LDLRAD4: variants seen among roughly 807,000 people sequenced by gnomAD.
LDLRAD4 encodes the protein low-density lipoprotein receptor class A domain-containing protein 4.
In LDLRAD4, 5 loss-of-function variants were observed where a neutral mutation model predicts 17.0. That is an observed-to-expected ratio of 0.29 (90% CI 0.15 to 0.62). LDLRAD4 has a LOEUF of 0.62. Among genes scored for constraint, LDLRAD4 ranks in the 20% least tolerant of loss-of-function variants. The pLI, the probability that LDLRAD4 is intolerant of heterozygous loss-of-function variation, is 0.84. For missense variants in LDLRAD4, 340 were observed against 424.7 expected (o/e 0.80, Z 1.75); for synonymous variants, 168 against 171.8 (o/e 0.98, Z 0.17).
At chr18:13,395,237 G>C (rs1414829482) in intron 2 of LDLRAD4, among the ~76,000 whole-genome samples, 1 of 151,612 alleles carries the variant, frequency 6.6e-6, no homozygotes, top group African/African-American at 2.4e-5. Flanking sequence ...CTGGCTTATA[G>C]TGGTGCTCGA....
chr18:13,238,253 C>T lies in LDLRAD4; in HGVS notation c.-467+19265C>T, dbSNP rs571435531. ...GTATTGGAACTGGAGACAGATTGCT[C>T]GATGACTGGTCGTGGTTTATTGTAA... On this transcript the variant is annotated intron_variant, in intron 1 of 5. Transcript: ENST00000399848. Among the ~76,000 whole-genome samples the T allele has an allele frequency of 1.8e-4, 27 of 152,320 alleles. No individual in the cohort carries two copies. In the South Asian group the frequency reaches 3.7e-3, roughly 21 times the overall value.
intron 1 of LDLRAD4, among the ~76,000 whole-genome samples, chr18:13,371,778 A>G (rs2084535435): frequency 6.6e-6 from 1 of 152,118 alleles, no homozygotes. Context: ...AGAGAGAGAG[A>G]GAGAAAGAGA....
chr18:13,650,412 G>C (rs2043194531), exon 6 of LDLRAD4: 3 of 398,800 alleles, frequency 7.5e-6, no homozygotes, highest in Non-Finnish European at 1.3e-5. Context: ...TAGAGCTATA[G>C]AGATTATATA....
chr18:13,638,824 G>A (rs888463016), intron 4 of LDLRAD4, among the ~76,000 whole-genome samples: 2 of 152,186 alleles, frequency 1.3e-5, no homozygotes, highest in African/African-American at 4.8e-5. Context: ...ACTGTGCAGA[G>A]CCCCTGTCTC....
intron 4 of LDLRAD4, among the ~76,000 whole-genome samples, chr18:13,624,078 T>TCCTACAGTGCAC (rs1196329493): frequency 1.7e-4 from 26 of 152,178 alleles, no homozygotes; most frequent in Non-Finnish European, 2.6e-4. Flanking sequence ...GTACAGTGCG[T>TCCTACAGTGCAC]CCTACAGTGC....
At chr18:13,292,313 G>T (rs1260335797) in intron 1 of LDLRAD4, among the ~76,000 whole-genome samples, 1 of 152,192 alleles carries the variant, frequency 6.6e-6, no homozygotes, top group Non-Finnish European at 1.5e-5. Flanking sequence ...GCGTGCCCTG[G>T]GCATATTTGT....
chr18:13,293,331 TG>T (rs2046078040), intron 1 of LDLRAD4, among the ~76,000 whole-genome samples: 2 of 152,110 alleles, frequency 1.3e-5, no homozygotes. Context: ...CCTGTGTGAG[TG>T]TGTGTGTTTG....
At chr18:13,571,457 C>G (rs1257276657) in intron 3 of LDLRAD4, among the ~76,000 whole-genome samples, 1 of 152,204 alleles carries the variant, frequency 6.6e-6, no homozygotes, top group Non-Finnish European at 1.5e-5. Flanking sequence ...TTCCATGCCA[C>G]ACTACTGCCT....
At chr18:13,472,999 T>A (rs2092820283) in intron 3 of LDLRAD4, among the ~76,000 whole-genome samples, 1 of 152,228 alleles carries the variant, frequency 6.6e-6, no homozygotes, top group Non-Finnish European at 1.5e-5. Flanking sequence ...ACAGCATTTG[T>A]TTGTAGAAGT....
chr18:13,596,372 TTTGA>T (rs1433017761), intron 3 of LDLRAD4, among the ~76,000 whole-genome samples: 3 of 152,192 alleles, frequency 2.0e-5, no homozygotes, highest in African/African-American at 4.8e-5. Context: ...ATTGATGTAG[TTTGA>T]TTGGCATTTA....
chr18:13,618,276 G>T (rs2040270137), intron 3 of LDLRAD4, among the ~76,000 whole-genome samples: 1 of 152,246 alleles, frequency 6.6e-6, no homozygotes, highest in Admixed American at 6.5e-5. Flanking sequence ...ACACACACAT[G>T]CAACGGAGGC....
At chr18:13,634,952 A>G (rs1344297329) in intron 4 of LDLRAD4, among the ~76,000 whole-genome samples, 1 of 152,222 alleles carries the variant, frequency 6.6e-6, no homozygotes, top group Non-Finnish European at 1.5e-5. Flanking sequence ...AGTAATTTTC[A>G]GAAAGGATGC....
intron 1 of LDLRAD4, among the ~76,000 whole-genome samples, chr18:13,234,030 C>T (rs966317058): frequency 2.0e-5 from 3 of 152,206 alleles, no homozygotes; most frequent in African/African-American, 4.8e-5. Context: ...ATGTTTGAAA[C>T]CTATTTGTTC....
At chr18:13,334,525 C>T (rs2082014994) in intron 1 of LDLRAD4, among the ~76,000 whole-genome samples, 1 of 152,342 alleles carries the variant, frequency 6.6e-6, no homozygotes, top group Middle Eastern at 3.4e-3. Context: ...TGAGCCACTG[C>T]ACCCGGCCTC....
At chr18:13,323,500 G>A (rs2081361425) in intron 1 of LDLRAD4, among the ~76,000 whole-genome samples, 1 of 152,210 alleles carries the variant, frequency 6.6e-6, no homozygotes, top group Admixed American at 6.5e-5. Flanking sequence ...TTGCTTCCAA[G>A]TCAGGTCCTT....
At chr18:13,480,191 T>C (rs1308652132) in intron 3 of LDLRAD4, among the ~76,000 whole-genome samples, 1 of 152,230 alleles carries the variant, frequency 6.6e-6, no homozygotes, top group Admixed American at 6.5e-5. Context: ...AATGGATAAC[T>C]AAACTGTGGT....
intron 3 of LDLRAD4, among the ~76,000 whole-genome samples, chr18:13,589,021 C>T (rs2094973619): frequency 1.3e-5 from 2 of 151,682 alleles, no homozygotes; most frequent in African/African-American, 4.8e-5. Flanking sequence ...CTCCGCCTCC[C>T]AGGCTCAAAT....
At chr18:13,445,051 AC>A (rs749480494) in intron 3 of LDLRAD4, among the ~76,000 whole-genome samples, 1 of 152,214 alleles carries the variant, frequency 6.6e-6, no homozygotes, top group Non-Finnish European at 1.5e-5. Flanking sequence ...TTATTCTGGG[AC>A]CAGCAGTGTG....
chr18:13,333,701 G>C (rs2081973657), intron 1 of LDLRAD4, among the ~76,000 whole-genome samples: 1 of 152,176 alleles, frequency 6.6e-6, no homozygotes, highest in Non-Finnish European at 1.5e-5. Context: ...CTTTGTCAAA[G>C]ATCAATTGAC....
Sources: allele counts gnomAD v4.1 joint callset (sites outside exome capture counted in the v4.1 genomes callset), GRCh38; gene constraint gnomAD v4.1.1; transcripts MANE v1.5; gene names NCBI Gene and HGNC (gene_info 2026-07-23, HGNC 2026-07-21).